Variants in ARIH2 observed in about 807,000 individuals in gnomAD.
ARIH2 encodes the protein E3 ubiquitin-protein ligase ARIH2.
Under a neutral mutation model 79.8 loss-of-function variants are expected in ARIH2, and 12 were observed. That is an observed-to-expected ratio of 0.15 (90% CI 0.10 to 0.24). ARIH2 has a LOEUF of 0.24. Among genes scored for constraint, ARIH2 ranks in the 10% least tolerant of loss-of-function variants. ARIH2 has a pLI of 1.00. For synonymous variants in ARIH2, 224 were observed against 213.9 expected (o/e 1.05, Z -0.41); for missense variants, 301 against 618.3 (o/e 0.49, Z 5.44).
intron 3 of ARIH2, chr3:48,945,119 C>T (rs2088931581): frequency 3.1e-6 from 4 of 1,289,608 alleles, no homozygotes; most frequent in Non-Finnish European, 4.0e-6. Flanking sequence ...TTGAAACTAC[C>T]ACCTGTATTT....
At chr3:48,958,740 A>G (rs1055171172) in intron 3 of ARIH2, among the ~76,000 whole-genome samples, 4 of 151,592 alleles carry the variant, frequency 2.6e-5, no homozygotes, top group South Asian at 2.1e-4. Flanking sequence ...GGCCGGACTC[A>G]GTGGCTCACA....
chr3:48,935,552 A>G (rs1013921305), intron 3 of ARIH2, among the ~76,000 whole-genome samples: 5 of 152,192 alleles, frequency 3.3e-5, no homozygotes, highest in Non-Finnish European at 1.5e-5. Context: ...AGTCTGGGCT[A>G]GTGGTCAGAT....
intron 3 of ARIH2, among the ~76,000 whole-genome samples, chr3:48,933,566 T>C (rs1417241322): frequency 1.4e-5 from 2 of 147,976 alleles, no homozygotes; most frequent in Non-Finnish European, 3.0e-5. Flanking sequence ...TTTTTTTTAG[T>C]TGAGACGGAC....
At chr3:48,973,877 C>T in intron 9 of ARIH2, 61 bp downstream of exon 9, 2 of 1,317,262 alleles carry the variant, frequency 1.5e-6, no homozygotes, top group South Asian at 2.4e-5. Context: ...AGGGCCTTGC[C>T]TTGGAGATTT....
chr3:48,934,745 C>G (rs2086880940), intron 3 of ARIH2: 2 of 985,296 alleles, frequency 2.0e-6, no homozygotes, highest in South Asian at 9.4e-5. Context: ...GGCCTAAATA[C>G]AAATGGTGCA....
rs553121742 is a variant in ARIH2, at chr3:48,946,552, G to A, written c.256-15060G>A. Among the ~76,000 whole-genome samples, 432 of 152,120 alleles carry A rather than the reference G, an allele frequency of 2.8e-3. 4 individuals are homozygous for A. Among genetic ancestry groups the A allele is most frequent in the African/African-American group, 9.9e-3 (410 of 41,524 alleles). ...AAACAAAGTCCTTTTTGACATGCAT[G>A]TAGCACATGCTTCCTGAAATAAAGA... On this transcript the variant is annotated intron_variant, in intron 3 of 15. Transcript: ENST00000356401.
intron 8 of ARIH2, among the ~76,000 whole-genome samples, chr3:48,971,694 G>A (rs1559841611): frequency 6.6e-6 from 1 of 152,312 alleles, no homozygotes; most frequent in East Asian, 1.9e-4. Context: ...TGTGATGTGT[G>A]TGTGTACGCA....
At chr3:48,924,856 C>G (rs1490256879) in intron 2 of ARIH2, 2 of 152,176 alleles carry the variant, frequency 1.3e-5, no homozygotes, top group African/African-American at 4.8e-5. Flanking sequence ...GCCATCATGC[C>G]TAGCTAATTT....
chr3:48,968,499 G>A (rs774213939), intron 6 of ARIH2, 35 bp from the exon 7 acceptor site: 7 of 1,594,608 alleles, frequency 4.4e-6, no homozygotes, highest in South Asian at 3.3e-5. Flanking sequence ...ATGAGCTATC[G>A]CACCTGGCCC....
chr3:48,922,413 C>G (rs1228811389), intron 1 of ARIH2: 1 of 151,854 alleles, frequency 6.6e-6, no homozygotes, highest in African/African-American at 2.4e-5. Flanking sequence ...GAGTGATTCT[C>G]CTGCCTCAGC....
chr3:48,983,126 T>C (rs1297488242), intron 15 of ARIH2, 73 bp from the exon 16 acceptor site: 2 of 1,563,938 alleles, frequency 1.3e-6, no homozygotes, highest in Admixed American at 3.3e-5. Flanking sequence ...TCCTGGAGGG[T>C]GTTTGTGGCT....
chr3:48,974,700 T>A (rs954261383), intron 9 of ARIH2, 117 bp from the exon 10 acceptor site: 8 of 1,002,824 alleles, frequency 8.0e-6, no homozygotes, highest in Non-Finnish European at 1.3e-5. Context: ...GAGGTGCTCC[T>A]CCCCAGAAGT....
chr3:48,921,801 G>A (rs992781901), intron 1 of ARIH2, among the ~76,000 whole-genome samples: 1 of 151,406 alleles, frequency 6.6e-6, no homozygotes, highest in Non-Finnish European at 1.5e-5. Context: ...GCCTAGACTG[G>A]AGTGTAGTGG....
intron 1 of ARIH2, chr3:48,919,309 C>T (rs2084401969): frequency 2.2e-6 from 2 of 902,056 alleles, no homozygotes; most frequent in Non-Finnish European, 1.5e-6. Context: ...AAACGCGCCG[C>T]CTCGGGGCTC....
chr3:48,931,089 A>T (rs1007539947), intron 3 of ARIH2, among the ~76,000 whole-genome samples: 1 of 151,900 alleles, frequency 6.6e-6, no homozygotes, highest in African/African-American at 2.4e-5. Context: ...ATTATTATTT[A>T]AAAAAAAATT....
chr3:48,938,252 G>T (rs1021905081), intron 3 of ARIH2, among the ~76,000 whole-genome samples: 1 of 152,130 alleles, frequency 6.6e-6, no homozygotes, highest in African/African-American at 2.4e-5. Flanking sequence ...TATTAACACT[G>T]CTACTTCAAG....
At chr3:48,930,459 G>A (rs986385103) in intron 3 of ARIH2, among the ~76,000 whole-genome samples, 7 of 151,992 alleles carry the variant, frequency 4.6e-5, no homozygotes, top group African/African-American at 1.7e-4. Context: ...CTCCAGCTTG[G>A]GCTACAGAGC....
chr3:48,975,913 C>G (rs1038884125), intron 11 of ARIH2, among the ~76,000 whole-genome samples: 3 of 148,464 alleles, frequency 2.0e-5, no homozygotes, highest in Non-Finnish European at 4.5e-5. Context: ...CAGGAACCCT[C>G]TTTTCTTTAT....
chr3:48,977,275 C>T (rs1316768078), intron 11 of ARIH2, among the ~76,000 whole-genome samples: 2 of 152,044 alleles, frequency 1.3e-5, no homozygotes, highest in Admixed American at 1.3e-4. Flanking sequence ...TATGGGCAAC[C>T]GTAGGGAATG....
Sources: gnomAD v4.1 joint callset for allele counts (sites outside exome capture counted in the v4.1 genomes callset) on GRCh38, gnomAD v4.1.1 for gene constraint, MANE v1.5 for transcripts, NCBI Gene and HGNC (gene_info 2026-07-23, HGNC 2026-07-21) for gene names.